Variants in LRRC69 observed in about 807,000 individuals in gnomAD.
The protein encoded by LRRC69 is leucine rich repeat containing 69, also known as leucine-rich repeat-containing protein 69.
Under a neutral mutation model 37.8 loss-of-function variants are expected in LRRC69, and 42 were observed. The ratio of observed to expected loss-of-function variants is 1.11; its 90% CI spans 0.87 to 1.44. The LOEUF (loss-of-function observed/expected upper bound fraction) is 1.44, where lower values mean the gene tolerates loss of function less well. Among genes scored for constraint, LRRC69 ranks in the 40% most tolerant of loss-of-function variants. LRRC69 has a pLI of 0.00. For missense variants in LRRC69, 357 were observed against 401.9 expected (o/e 0.89, Z 0.96); for synonymous variants, 141 against 143.1 (o/e 0.99, Z 0.11).
chr8:91,166,492 G>GAAAAAAAAAAAAAAAAAA (rs66705016), intron 5 of LRRC69, among the ~76,000 whole-genome samples: 2 of 95,298 alleles, frequency 2.1e-5, no homozygotes, highest in Non-Finnish European at 1.9e-5. Flanking sequence ...AAAATAAACT[G>GAAAAAAAAAAAAAAAAAA]AAAAAAAAAA....
chr8:91,166,491 T>TAAAAA (rs1809029824), intron 5 of LRRC69, among the ~76,000 whole-genome samples: 1 of 10,694 alleles, frequency 9.4e-5, no homozygotes, highest in African/African-American at 6.8e-4. Flanking sequence ...TAAAATAAAC[T>TAAAAA]GAAAAAAAAA....
intron 5 of LRRC69, among the ~76,000 whole-genome samples, chr8:91,149,854 A>G (rs1029075522): frequency 7.2e-5 from 11 of 152,064 alleles, no homozygotes; most frequent in African/African-American, 1.7e-4. Flanking sequence ...GCAGTTGTCA[A>G]TGGGAGTTCA....
At chr8:91,177,258 G>A (rs1027600907) in intron 5 of LRRC69, among the ~76,000 whole-genome samples, 1 of 152,028 alleles carries the variant, frequency 6.6e-6, no homozygotes, top group Admixed American at 6.5e-5. Flanking sequence ...ATTCTAAAAA[G>A]GGTAAATGTT....
chr8:91,111,134 T>C (rs953647100), intron 1 of LRRC69, among the ~76,000 whole-genome samples: 2 of 151,928 alleles, frequency 1.3e-5, no homozygotes, highest in African/African-American at 4.8e-5. Context: ...ATAGTAGAGG[T>C]AAAATATACA....
At chr8:91,151,747 T>A (rs1212674753) in intron 5 of LRRC69, among the ~76,000 whole-genome samples, 1 of 151,764 alleles carries the variant, frequency 6.6e-6, no homozygotes, top group East Asian at 1.9e-4. Context: ...TTGAACTAAT[T>A]TACATTCCCA....
intron 6 of LRRC69, among the ~76,000 whole-genome samples, chr8:91,197,446 C>T (rs11998685): frequency 0.67 from 101,597 of 151,258 alleles, 34,531 homozygotes; most frequent in Middle Eastern, 0.75. Flanking sequence ...CCCAGCCTCG[C>T]TGCCGCCTCG....
chr8:91,200,466 A>G, intron 6 of LRRC69, 147 bp from the exon 7 acceptor site: 1 of 519,130 alleles, frequency 1.9e-6, no homozygotes. Flanking sequence ...GTCATTTACA[A>G]CACAATTCAT....
At chr8:91,129,559 G>A (rs936567845) in intron 3 of LRRC69, among the ~76,000 whole-genome samples, 9 of 151,802 alleles carry the variant, frequency 5.9e-5, no homozygotes, top group African/African-American at 1.9e-4. Context: ...CAATAAAAAT[G>A]ATAATAAAAA....
intron 6 of LRRC69, among the ~76,000 whole-genome samples, chr8:91,193,015 G>A (rs1809528529): frequency 6.6e-6 from 1 of 151,396 alleles, no homozygotes; most frequent in Non-Finnish European, 1.5e-5. Context: ...ATCTTGAATT[G>A]ATTTTTGTAT....
At chr8:91,112,597 T>C (rs1017562943) in intron 1 of LRRC69, among the ~76,000 whole-genome samples, 1 of 151,958 alleles carries the variant, frequency 6.6e-6, no homozygotes, top group African/African-American at 2.4e-5. Context: ...TAACACAATA[T>C]AGGCTATATA....
intron 6 of LRRC69, among the ~76,000 whole-genome samples, chr8:91,191,088 G>T (rs1218828550): frequency 6.9e-6 from 1 of 144,846 alleles, no homozygotes; most frequent in Non-Finnish European, 1.5e-5. Context: ...AAAGCAAAGG[G>T]ACAGTGACCA....
chr8:91,134,024 A>G (rs557359631), intron 4 of LRRC69, among the ~76,000 whole-genome samples: 1 of 151,794 alleles, frequency 6.6e-6, no homozygotes, highest in Non-Finnish European at 1.5e-5. Flanking sequence ...TGGAATATGT[A>G]CTGGCTCTCC....
In LRRC69 at chr8:91,196,663, C is replaced by A. The variant is rs202117162; in HGVS notation, c.754-3950C>A. On this transcript the variant is annotated intron_variant, in intron 6 of 7. Coordinates refer to ENST00000448384, the Ensembl canonical transcript of LRRC69. ...AGCTCCTGAGGCTTCTGCATTCTTC[C>A]CGTAGTTCTCGAGCCTTGGTTTTCA... is the stretch of plus-strand genomic sequence containing the variant. 4.6e-3 allele frequency among the ~76,000 whole-genome samples: 700 copies of A among 152,088 alleles called. 5 individuals are homozygous for A. Among genetic ancestry groups the A allele is most frequent in the African/African-American group, 0.016 (662 of 41,460 alleles).
intron 6 of LRRC69, among the ~76,000 whole-genome samples, chr8:91,191,414 G>A (rs1196517119): frequency 1.3e-5 from 2 of 152,110 alleles, no homozygotes; most frequent in Non-Finnish European, 2.9e-5. Flanking sequence ...ACAAGGTACT[G>A]TTCTAAGCAC....
At chr8:91,154,718 A>C (rs562023604) in intron 5 of LRRC69, among the ~76,000 whole-genome samples, 35 of 151,720 alleles carry the variant, frequency 2.3e-4, no homozygotes, top group African/African-American at 7.7e-4. Flanking sequence ...TTAATGGAAC[A>C]TATCTCAAAA....
chr8:91,176,134 A>ATATATATATATATTTTTTTTTTTTTT, intron 5 of LRRC69, among the ~76,000 whole-genome samples: 1 of 75,710 alleles, frequency 1.3e-5, no homozygotes, highest in African/African-American at 6.1e-5. Flanking sequence ...ATATATATAT[A>ATATATATATATATTTTTTTTTTTTTT]TTTTTTTTTT....
intron 1 of LRRC69, among the ~76,000 whole-genome samples, chr8:91,116,387 A>G (rs1268933971): frequency 6.6e-6 from 1 of 152,086 alleles, no homozygotes; most frequent in East Asian, 1.9e-4. Context: ...AGTACATTGC[A>G]TAGCAAACAG....
chr8:91,128,963 C>T (rs1220784218), intron 3 of LRRC69, among the ~76,000 whole-genome samples: 1 of 152,010 alleles, frequency 6.6e-6, no homozygotes, highest in East Asian at 1.9e-4. Flanking sequence ...TCAGAGTGAT[C>T]ATGTCAGCTC....
downstream of LRRC69, chr8:91,219,092 T>C: frequency 1.9e-6 from 1 of 538,524 alleles, no homozygotes; most frequent in Non-Finnish European, 3.2e-6. Flanking sequence ...CCATGCCTGT[T>C]CTCTTTGTCA....
Sources: gnomAD v4.1 joint callset for allele counts (sites outside exome capture counted in the v4.1 genomes callset) on GRCh38, gnomAD v4.1.1 for gene constraint, MANE v1.5 for transcripts, NCBI Gene and HGNC (gene_info 2026-07-23, HGNC 2026-07-21) for gene names.